Variants in NCOA1 observed in about 807,000 individuals in gnomAD.
NCOA1 encodes the protein nuclear receptor coactivator 1.
Under a neutral mutation model 150.9 loss-of-function variants are expected in NCOA1, and 35 were observed. The observed-to-expected ratio is 0.23, with a 90% CI of 0.18 to 0.31. NCOA1 has a LOEUF of 0.31. Ranked by LOEUF, NCOA1 falls within the 10% of genes least tolerant of loss-of-function variation. The pLI is 1.00. For missense variants in NCOA1, 1,491 were observed against 1,749.3 expected (o/e 0.85, Z 2.63); for synonymous variants, 590 against 630.0 (o/e 0.94, Z 0.95).
At chr2:24,565,546 A>G (rs1027760956) in intron 2 of NCOA1, among the ~76,000 whole-genome samples, 9 of 152,258 alleles carry the variant, frequency 5.9e-5, no homozygotes. Flanking sequence ...AATTCATGAT[A>G]TTGGGAATCC....
chr2:24,524,585 C>T (rs933011528), intron 1 of NCOA1, among the ~76,000 whole-genome samples: 1 of 151,928 alleles, frequency 6.6e-6, no homozygotes, highest in Non-Finnish European at 1.5e-5. Context: ...GCCACTGTGC[C>T]TGGCCTCCCC....
intron 20 of NCOA1, among the ~76,000 whole-genome samples, chr2:24,755,557 G>C (rs1184048160): frequency 6.6e-6 from 1 of 152,200 alleles, no homozygotes; most frequent in Non-Finnish European, 1.5e-5. Context: ...AACTGTGATA[G>C]CTGCTACAAA....
chr2:24,548,756 A>G (rs952389760), intron 1 of NCOA1, among the ~76,000 whole-genome samples: 1 of 152,108 alleles, frequency 6.6e-6, no homozygotes, highest in Non-Finnish European at 1.5e-5. Flanking sequence ...CTTCAAAATG[A>G]TCTCCTTTGA....
At chr2:24,510,409 T>A (rs553820392) in intron 1 of NCOA1, among the ~76,000 whole-genome samples, 8 of 152,224 alleles carry the variant, frequency 5.3e-5, no homozygotes, top group Admixed American at 3.3e-4. Context: ...TGAAGTGGCA[T>A]GATCATAGCT....
intron 2 of NCOA1, among the ~76,000 whole-genome samples, chr2:24,568,255 G>A (rs1347367006): frequency 1.3e-5 from 2 of 152,144 alleles, no homozygotes; most frequent in African/African-American, 4.8e-5. Context: ...TACTTGAGAC[G>A]GGAAGTTAAG....
intron 1 of NCOA1, among the ~76,000 whole-genome samples, chr2:24,537,077 A>G (rs1221449947): frequency 6.6e-6 from 1 of 152,016 alleles, no homozygotes; most frequent in African/African-American, 2.4e-5. Flanking sequence ...ACTACTATAC[A>G]ATTCGTCCAT....
At chr2:24,623,590 A>G (rs573280745) in intron 3 of NCOA1, among the ~76,000 whole-genome samples, 2 of 152,330 alleles carry the variant, frequency 1.3e-5, no homozygotes, top group East Asian at 1.9e-4. Flanking sequence ...GAGGGTCTGT[A>G]TTAGGCTGCT....
intron 3 of NCOA1, among the ~76,000 whole-genome samples, chr2:24,588,594 G>C (rs915085108): frequency 2.6e-5 from 4 of 152,164 alleles, no homozygotes; most frequent in African/African-American, 7.2e-5. Context: ...TTAGACTCAT[G>C]ATAAATGCTG....
chr2:24,519,197 G>T (rs1664322581), intron 1 of NCOA1, among the ~76,000 whole-genome samples: 1 of 152,256 alleles, frequency 6.6e-6, no homozygotes, highest in South Asian at 2.1e-4. Flanking sequence ...AAATGTATAT[G>T]TATACAATGA....
intron 4 of NCOA1, among the ~76,000 whole-genome samples, chr2:24,647,318 G>A (rs1217296276): frequency 6.6e-6 from 1 of 152,150 alleles, no homozygotes; most frequent in Non-Finnish European, 1.5e-5. Flanking sequence ...GATTACCTAA[G>A]ACCGATTTCT....
intron 3 of NCOA1, among the ~76,000 whole-genome samples, chr2:24,619,365 A>G (rs540821512): frequency 6.6e-6 from 1 of 152,358 alleles, no homozygotes; most frequent in South Asian, 2.1e-4. Context: ...AGTATTAATA[A>G]TATGGCCTTA....
At chr2:24,506,177 G>GCAT (rs763231926) in intron 1 of NCOA1, among the ~76,000 whole-genome samples, 109 of 151,566 alleles carry the variant, frequency 7.2e-4, no homozygotes, top group African/African-American at 2.4e-3. Context: ...ACCCCTGTTG[G>GCAT]CATCATCATC....
intron 1 of NCOA1, among the ~76,000 whole-genome samples, chr2:24,550,970 A>G (rs1034742583): frequency 1.3e-5 from 2 of 151,820 alleles, no homozygotes; most frequent in Non-Finnish European, 2.9e-5. Flanking sequence ...TTAGCTAGGC[A>G]TGTAATCTCA....
At chr2:24,638,307 G>A (rs535380397) in intron 3 of NCOA1, among the ~76,000 whole-genome samples, 114 of 150,596 alleles carry the variant, frequency 7.6e-4, no homozygotes, top group African/African-American at 2.7e-3. Flanking sequence ...ATGAATAGCA[G>A]GATTTCATTC....
rs33950079 is a variant in NCOA1 at position 24,599,725 on chromosome 2, C to CT, written c.-175+15184dup. 9.0e-3 allele frequency among the ~76,000 whole-genome samples: 971 copies of CT among 108,476 alleles called. 21 individuals carry two copies. Among genetic ancestry groups the CT allele is most frequent in the African/African-American group, 0.028 (882 of 31,098 alleles). 71.2% of individuals were successfully genotyped at this position (108,476 alleles called of 152,430 possible). A position where few individuals can be genotyped will look rare whatever the true frequency, so the allele number is the denominator to read the frequency against. ...TACTATTTTATTATGTATGATTGATCTTTTTTTTTTTTTTTTTTTGAGACC... is the reference window on the plus strand; with the variant it reads ...TACTATTTTATTATGTATGATTGATCTTTTTTTTTTTTTTTTTTTTGAGACC... On this transcript the variant is annotated intron_variant, in intron 3 of 22. Transcript: ENST00000348332.
intron 5 of NCOA1, among the ~76,000 whole-genome samples, chr2:24,660,123 C>G (rs574707479): frequency 6.6e-6 from 1 of 152,146 alleles, no homozygotes; most frequent in South Asian, 2.1e-4. Flanking sequence ...AAGTAAGTGT[C>G]CAGATGCTGG....
chr2:24,571,477 A>G (rs1666742951), intron 2 of NCOA1, among the ~76,000 whole-genome samples: 1 of 152,150 alleles, frequency 6.6e-6, no homozygotes, highest in South Asian at 2.1e-4. Context: ...TTAGATCCTC[A>G]CAAGAATGCC....
chr2:24,711,389 G>T, intron 14 of NCOA1: 1 of 250,464 alleles, frequency 4.0e-6, no homozygotes, highest in Admixed American at 5.3e-5. Flanking sequence ...CCCCATAACA[G>T]GACTTTCAGA....
chr2:24,757,354 GAAC>G (rs1664554196), intron 20 of NCOA1, among the ~76,000 whole-genome samples: 5 of 152,210 alleles, frequency 3.3e-5, no homozygotes, highest in Admixed American at 3.3e-4. Context: ...AAAACAATCT[GAAC>G]TGCACCATTT....
Sources: allele counts gnomAD v4.1 joint callset (sites outside exome capture counted in the v4.1 genomes callset), GRCh38; gene constraint gnomAD v4.1.1; transcripts MANE v1.5; gene names NCBI Gene and HGNC (gene_info 2026-07-23, HGNC 2026-07-21).